Variants in AMOTL1 observed in about 807,000 individuals in gnomAD.
AMOTL1 encodes the protein angiomotin-like protein 1.
Under a neutral mutation model 102.9 loss-of-function variants are expected in AMOTL1, and 45 were observed. The ratio of observed to expected loss-of-function variants is 0.44; its 90% confidence interval spans 0.34 to 0.56. The LOEUF is 0.56. AMOTL1 is among the 20% of genes least tolerant of loss of function. The pLI is 0.01. For synonymous variants in AMOTL1, 481 were observed against 484.7 expected (o/e 0.99, Z 0.10); for missense variants, 1,114 against 1,225.6 (o/e 0.91, Z 1.36).
intron 3 of AMOTL1, among the ~76,000 whole-genome samples, chr11:94,810,950 C>T (rs1328017912): frequency 2.6e-5 from 4 of 151,964 alleles, no homozygotes; most frequent in Admixed American, 6.5e-5. Context: ...AATTTTAAGT[C>T]TCATTACCAT....
At chr11:94,718,799 T>C (rs569319364) in intron 1 of AMOTL1, among the ~76,000 whole-genome samples, 28 of 152,094 alleles carry the variant, frequency 1.8e-4, no homozygotes, top group African/African-American at 6.7e-4. Flanking sequence ...ATATTAATCT[T>C]TTGTATACGT....
intron 1 of AMOTL1, among the ~76,000 whole-genome samples, chr11:94,717,498 G>C (rs530555936): frequency 6.6e-6 from 1 of 151,784 alleles, no homozygotes; most frequent in Admixed American, 6.6e-5. Flanking sequence ...GTGGTATTGA[G>C]GGAAATGACA....
chr11:94,835,473 G>A (rs1009298258), intron 6 of AMOTL1, among the ~76,000 whole-genome samples: 1 of 152,196 alleles, frequency 6.6e-6, no homozygotes, highest in Non-Finnish European at 1.5e-5. Context: ...AAAATGGATA[G>A]CGCTGCAGAA....
At chr11:94,754,651 T>C (rs1363173985) in intron 3 of AMOTL1, among the ~76,000 whole-genome samples, 1 of 152,182 alleles carries the variant, frequency 6.6e-6, no homozygotes, top group Admixed American at 6.5e-5. Context: ...ACTATCAGCT[T>C]CTTATAGCTG....
In AMOTL1 at chr11:94,719,231, C is replaced by T. The variant is rs868100537; in HGVS notation, c.-50-9690C>T. ...TGTGCTACCAAATAATTTATTTATT[C>T]CAGTAATAAGATCACACTGTTTTAA... is the stretch of plus-strand genomic sequence containing the variant. On this transcript the variant is annotated intron_variant, in intron 1 of 4. Transcript: ENST00000299004. Among the ~76,000 whole-genome samples, 109 of 151,944 alleles carry T rather than the reference C, an allele frequency of 7.2e-4. 1 individual carries two copies. Among genetic ancestry groups the T allele is most frequent in the African/African-American group, 2.2e-3 (92 of 41,460 alleles).
chr11:94,810,007 C>CT (rs973305608), intron 3 of AMOTL1, among the ~76,000 whole-genome samples: 3 of 152,032 alleles, frequency 2.0e-5, no homozygotes, highest in Admixed American at 6.6e-5. Flanking sequence ...CATAACACCT[C>CT]TTTTTTTTCC....
intron 3 of AMOTL1, among the ~76,000 whole-genome samples, chr11:94,747,200 G>A (rs1591924989): frequency 6.6e-6 from 1 of 152,076 alleles, no homozygotes; most frequent in Admixed American, 6.6e-5. Context: ...AAGAATAGGT[G>A]GGGGAGCTCA....
intron 3 of AMOTL1, among the ~76,000 whole-genome samples, chr11:94,803,719 G>A (rs1156624338): frequency 6.6e-6 from 1 of 152,212 alleles, no homozygotes; most frequent in East Asian, 1.9e-4. Flanking sequence ...ATGAATGCAT[G>A]AATGAATACC....
upstream of AMOTL1, chr11:94,768,259 G>A (rs1275351291): frequency 1.6e-6 from 2 of 1,213,222 alleles, no homozygotes; most frequent in Non-Finnish European, 2.0e-6. Flanking sequence ...CAGCGGCCGG[G>A]CGCCACGGCG....
At chr11:94,756,058 G>A (rs750540936) in intron 3 of AMOTL1, among the ~76,000 whole-genome samples, 3 of 152,016 alleles carry the variant, frequency 2.0e-5, no homozygotes, top group Non-Finnish European at 4.4e-5. Flanking sequence ...ACCTTCCGCT[G>A]GAGTCAGGCT....
upstream of AMOTL1, chr11:94,768,213 A>C (rs1486887385): frequency 5.7e-5 from 60 of 1,046,752 alleles, no homozygotes; most frequent in East Asian, 1.7e-4. Context: ...CGGCCCGGGG[A>C]GGGGCGGCGG....
At chr11:94,868,028 T>A (rs1390347147) in intron 11 of AMOTL1, among the ~76,000 whole-genome samples, 1 of 152,188 alleles carries the variant, frequency 6.6e-6, no homozygotes, top group Non-Finnish European at 1.5e-5. Flanking sequence ...GTGAAGGCCT[T>A]TGCTGCTCAG....
intron 1 of AMOTL1, among the ~76,000 whole-genome samples, chr11:94,785,147 A>C (rs898535167): frequency 6.6e-6 from 1 of 152,220 alleles, no homozygotes; most frequent in Non-Finnish European, 1.5e-5. Flanking sequence ...TCTGCCTCAT[A>C]CATGGAGAGA....
intron 11 of AMOTL1, 63 bp downstream of exon 11, chr11:94,866,231 C>G: frequency 6.7e-7 from 1 of 1,500,340 alleles, no homozygotes; most frequent in Non-Finnish European, 9.2e-7. Context: ...TTCTCTGCCA[C>G]TCATGGGACA....
chr11:94,715,512 TCCTTTAGC>T (rs755047285), intron 1 of AMOTL1, among the ~76,000 whole-genome samples: 3 of 152,062 alleles, frequency 2.0e-5, no homozygotes, highest in Non-Finnish European at 4.4e-5. Flanking sequence ...TTTGAGAGCT[TCCTTTAGC>T]CATTGTTTAA....
chr11:94,825,738 A>G (rs1490286214), intron 4 of AMOTL1, among the ~76,000 whole-genome samples: 2 of 152,206 alleles, frequency 1.3e-5, no homozygotes, highest in Non-Finnish European at 2.9e-5. Flanking sequence ...AGATGTTCTG[A>G]ACATGGAGTA....
intron 12 of AMOTL1, among the ~76,000 whole-genome samples, 200 bp downstream of exon 12, chr11:94,869,673 C>G (rs1156589646): frequency 6.6e-6 from 1 of 152,168 alleles, no homozygotes; most frequent in African/African-American, 2.4e-5. Flanking sequence ...TAGTTTATTA[C>G]TATTTGAAAT....
At chr11:94,868,053 C>T (rs937568480) in intron 11 of AMOTL1, among the ~76,000 whole-genome samples, 1 of 152,210 alleles carries the variant, frequency 6.6e-6, no homozygotes, top group African/African-American at 2.4e-5. Flanking sequence ...GTCTGTGGAC[C>T]AGTGGCACCA....
At chr11:94,729,257 G>A (rs1158139751) in intron 2 of AMOTL1, among the ~76,000 whole-genome samples, 1 of 152,204 alleles carries the variant, frequency 6.6e-6, no homozygotes, top group Non-Finnish European at 1.5e-5. Context: ...TTATGGCCTT[G>A]AGAAAATCTG....
Sources: allele counts gnomAD v4.1 joint callset (sites outside exome capture counted in the v4.1 genomes callset), GRCh38; gene constraint gnomAD v4.1.1; transcripts MANE v1.5; gene names NCBI Gene and HGNC (gene_info 2026-07-23, HGNC 2026-07-21).